The following OSBPL8 variants were observed in gnomAD, a reference collection of about 807,000 sequenced individuals.
OSBPL8 encodes oxysterol binding protein like 8, also known as oxysterol-binding protein-related protein 8.
OSBPL8 carries 59 observed loss-of-function variants against 125.5 expected under a neutral mutation model. The ratio of observed to expected loss-of-function variants is 0.47; its 90% CI spans 0.38 to 0.58. The LOEUF (loss-of-function observed/expected upper bound fraction) is 0.58, where lower values mean the gene tolerates loss of function less well. Among genes scored for constraint, OSBPL8 ranks in the 20% least tolerant of loss-of-function variants. The pLI is 0.00. For synonymous variants in OSBPL8, 330 were observed against 338.9 expected, an observed-to-expected ratio of 0.97 and a Z score of 0.29; for missense variants, 758 against 1,047.8, an observed-to-expected ratio of 0.72 and a Z score of 3.82.
intron 4 of OSBPL8, among the ~76,000 whole-genome samples, chr12:76,421,575 A>C (rs886221872): frequency 3.3e-5 from 5 of 152,120 alleles, no homozygotes; most frequent in African/African-American, 1.2e-4. Context: ...AAAGCCAAGA[A>C]TAAAGGTTAT....
chr12:76,543,755 T>A (rs1220391105), intron 1 of OSBPL8, among the ~76,000 whole-genome samples: 1 of 152,128 alleles, frequency 6.6e-6, no homozygotes, highest in East Asian at 1.9e-4. Context: ...CAACTAATAA[T>A]TAAATAAGCT....
At chr12:76,437,799 T>C (rs1435514801) in intron 4 of OSBPL8, among the ~76,000 whole-genome samples, 1 of 152,194 alleles carries the variant, frequency 6.6e-6, no homozygotes, top group African/African-American at 2.4e-5. Flanking sequence ...TCTGTTTATT[T>C]AGAATACATA....
intron 1 of OSBPL8, among the ~76,000 whole-genome samples, chr12:76,518,201 G>A (rs1242657213): frequency 7.2e-5 from 11 of 152,284 alleles, no homozygotes; most frequent in Non-Finnish European, 1.3e-4. Context: ...ATACATTGGT[G>A]GTTCAGGTAT....
At chr12:76,434,383 G>C (rs1028875384) in intron 4 of OSBPL8, among the ~76,000 whole-genome samples, 3 of 152,074 alleles carry the variant, frequency 2.0e-5, no homozygotes, top group African/African-American at 7.2e-5. Context: ...AAATGTAAGA[G>C]CTCAAACCAT....
chr12:76,516,255 G>A (rs910176061), intron 1 of OSBPL8, among the ~76,000 whole-genome samples: 2 of 152,152 alleles, frequency 1.3e-5, no homozygotes, highest in African/African-American at 4.8e-5. Context: ...TTGTGCCAGA[G>A]GAAAGAAAGA....
chr12:76,541,596 T>A (rs1334017885), intron 1 of OSBPL8, among the ~76,000 whole-genome samples: 1 of 152,246 alleles, frequency 6.6e-6, no homozygotes, highest in Non-Finnish European at 1.5e-5. Context: ...GGCTCACACC[T>A]GTAATCCCAG....
rs192335385 is a variant in OSBPL8, at chr12:76,383,731, T to G, written c.1630+523A>C. ...TTTTACTGGTATATAGCTTTGGCAA[T>G]GATTTGTTTGAACTATCAAAGTTTT... On this transcript the variant is annotated intron_variant, in intron 15 of 23. Coordinates refer to ENST00000261183, the MANE Select transcript of OSBPL8 (RefSeq NM_020841.5). 3.0e-4 allele frequency among the ~76,000 whole-genome samples: 45 copies of G among 152,336 alleles called. 2 individuals are homozygous for G. Among genetic ancestry groups the G allele is most frequent in the Admixed American group, 2.9e-3 (45 of 15,298 alleles).
chr12:76,425,026 T>C (rs187991801), intron 4 of OSBPL8, among the ~76,000 whole-genome samples: 28 of 152,238 alleles, frequency 1.8e-4, no homozygotes, highest in Admixed American at 1.8e-3. Context: ...AATAACCCTT[T>C]TGCACATAAT....
At chr12:76,371,053 G>A (rs1952601177) in intron 19 of OSBPL8, among the ~76,000 whole-genome samples, 1 of 152,112 alleles carries the variant, frequency 6.6e-6, no homozygotes, top group South Asian at 2.1e-4. Context: ...TTTTGTATCA[G>A]AGAATGGAAC....
intron 8 of OSBPL8, among the ~76,000 whole-genome samples, chr12:76,396,625 G>T (rs1033879938): frequency 6.6e-6 from 1 of 152,026 alleles, no homozygotes; most frequent in South Asian, 2.1e-4. Flanking sequence ...ATGGTGATAC[G>T]TGCCTGGGGT....
chr12:76,550,116 G>A (rs1950895567), intron 1 of OSBPL8, among the ~76,000 whole-genome samples: 1 of 151,664 alleles, frequency 6.6e-6, no homozygotes, highest in Non-Finnish European at 1.5e-5. Context: ...GGGGTGTAGG[G>A]GAGGCTATAA....
intron 4 of OSBPL8, among the ~76,000 whole-genome samples, chr12:76,415,880 T>C (rs1440544128): frequency 6.6e-6 from 1 of 152,218 alleles, no homozygotes; most frequent in African/African-American, 2.4e-5. Flanking sequence ...TTTTAGGCTT[T>C]ACTGAAACTC....
intron 1 of OSBPL8, among the ~76,000 whole-genome samples, chr12:76,516,641 C>T (rs767801645): frequency 3.3e-5 from 5 of 151,882 alleles, no homozygotes; most frequent in Non-Finnish European, 7.4e-5. Flanking sequence ...AGAGAAAAAG[C>T]CAAAAGTTAG....
chr12:76,387,299 G>T (rs1282991987), intron 12 of OSBPL8, among the ~76,000 whole-genome samples: 1 of 152,104 alleles, frequency 6.6e-6, no homozygotes, highest in Non-Finnish European at 1.5e-5. Flanking sequence ...ACAAAACACA[G>T]AAGTTTCAAA....
At chr12:76,380,266 GTCTA>G (rs564873454) in intron 15 of OSBPL8, among the ~76,000 whole-genome samples, 10 of 152,086 alleles carry the variant, frequency 6.6e-5, no homozygotes, top group South Asian at 2.1e-4. Flanking sequence ...TATAAACATA[GTCTA>G]TCTATCCATT....
In OSBPL8 at chr12:76,353,832, A is replaced by G. The variant is rs1239881605; in HGVS notation, c.*2057T>C. 1.3e-5 allele frequency: 2 copies of G among 152,424 alleles called. No individual in the cohort carries two copies. The highest frequency in any genetic ancestry group is 4.8e-5 in the African/African-American group (2 of 41,450). The allele number at this position is 152,424 out of a possible 1,614,324, so 9.4% of individuals were successfully genotyped here. On this transcript the variant is annotated 3_prime_UTR_variant, in exon 24 of 24. Coordinates refer to ENST00000261183, the MANE Select transcript of OSBPL8 (RefSeq NM_020841.5). ...TTTTTGACTCTTTGGGTAAGAACCC[A>G]TAACATTTGCTCTAAAAAGAAATTT...
At chr12:76,429,277 T>C (rs996219633) in intron 4 of OSBPL8, among the ~76,000 whole-genome samples, 1 of 151,608 alleles carries the variant, frequency 6.6e-6, no homozygotes, top group Admixed American at 6.6e-5. Context: ...AAGTTCTTTA[T>C]AATTTCATAT....
chr12:76,493,001 C>T (rs775833704), intron 1 of OSBPL8, among the ~76,000 whole-genome samples: 4 of 151,940 alleles, frequency 2.6e-5, no homozygotes, highest in South Asian at 4.2e-4. Context: ...ATTTAAAATG[C>T]ACTTCTTCCT....
intron 2 of OSBPL8, among the ~76,000 whole-genome samples, chr12:76,466,836 T>G (rs1875497380): frequency 6.6e-6 from 1 of 151,826 alleles, no homozygotes; most frequent in Admixed American, 6.6e-5. Context: ...GGCAGGTGCC[T>G]GTAATCCCAG....
Sources: allele counts gnomAD v4.1 joint callset (sites outside exome capture counted in the v4.1 genomes callset), GRCh38; gene constraint gnomAD v4.1.1; transcripts MANE v1.5; gene names NCBI Gene and HGNC (gene_info 2026-07-23, HGNC 2026-07-21).